Variants in ADAMTSL1 observed in about 807,000 individuals in gnomAD.
The protein encoded by ADAMTSL1 is ADAMTS like 1.
A neutral mutation model predicts 201.8 loss-of-function variants in ADAMTSL1; 126 were observed. The observed-to-expected ratio is 0.62, with a 90% confidence interval of 0.54 to 0.72. ADAMTSL1 has a LOEUF of 0.72. ADAMTSL1 is among the 30% of genes least tolerant of loss of function. ADAMTSL1 has a pLI of 0.00. For missense variants in ADAMTSL1, 2,679 were observed against 2,277.8 expected (o/e 1.18, Z -3.59); for synonymous variants, 1,121 against 903.4 (o/e 1.24, Z -4.32).
At chr9:18,603,986 C>T (rs542895924) in intron 4 of ADAMTSL1, among the ~76,000 whole-genome samples, 10 of 152,256 alleles carry the variant, frequency 6.6e-5, no homozygotes, top group South Asian at 2.1e-4. Flanking sequence ...GGAACAATGG[C>T]GAGAGCACAC....
intron 26 of ADAMTSL1, among the ~76,000 whole-genome samples, chr9:18,904,903 C>T (rs1480733629): frequency 6.6e-6 from 1 of 151,876 alleles, no homozygotes; most frequent in East Asian, 1.9e-4. Flanking sequence ...GGTTCTTAAC[C>T]TTTGAGGTCA....
At chr9:18,764,068 C>T (rs1408639299) in intron 16 of ADAMTSL1, among the ~76,000 whole-genome samples, 1 of 152,160 alleles carries the variant, frequency 6.6e-6, no homozygotes. Flanking sequence ...TGCACTGAAT[C>T]TGTAGATTGC....
At chr9:18,151,575 A>G (rs989985683) in intron 1 of ADAMTSL1, among the ~76,000 whole-genome samples, 1 of 151,914 alleles carries the variant, frequency 6.6e-6, no homozygotes, top group African/African-American at 2.4e-5. Context: ...TGCCAAATTT[A>G]TTTTCATTGT....
At chr9:18,030,572 AT>A (rs879888412) in intron 1 of ADAMTSL1, among the ~76,000 whole-genome samples, 35 of 152,074 alleles carry the variant, frequency 2.3e-4, no homozygotes, top group Non-Finnish European at 2.1e-4. Context: ...AGAAAAAAAA[AT>A]ATTTTTCTTT....
Position 18,495,077 on chromosome 9 carries a change from G to T in ADAMTSL1, c.64-9752G>T, listed in dbSNP as rs375204353. Reference sequence around the variant, plus strand: ...AGTAAGATTGGACGGGGTGAGAATGGAAGAGAGAGGGATTTCAGAAATGGA... The same window carrying T: ...AGTAAGATTGGACGGGGTGAGAATGTAAGAGAGAGGGATTTCAGAAATGGA... On this transcript the variant is annotated intron_variant, in intron 1 of 28. Coordinates refer to ENST00000380548, the MANE Select transcript of ADAMTSL1 (RefSeq NM_001040272.6). Among the ~76,000 whole-genome samples the T allele has an allele frequency of 1.7e-4, 26 of 152,314 alleles. 2 individuals carry two copies. In the East Asian group the frequency reaches 4.2e-3, roughly 25 times the overall value.
At chr9:18,540,829 C>G (rs1237389630) in intron 3 of ADAMTSL1, among the ~76,000 whole-genome samples, 1 of 152,116 alleles carries the variant, frequency 6.6e-6, no homozygotes, top group Non-Finnish European at 1.5e-5. Flanking sequence ...GAAAGAAATT[C>G]TAATTGCAGG....
intron 1 of ADAMTSL1, among the ~76,000 whole-genome samples, chr9:18,012,603 G>A (rs1185464326): frequency 1.3e-5 from 2 of 152,044 alleles, no homozygotes; most frequent in East Asian, 3.9e-4. Context: ...TCACAGATTT[G>A]TGTGAGAATG....
chr9:18,275,979 AGC>A lies in ADAMTSL1; in HGVS notation c.207+111999_207+112000del, dbSNP rs560008788. Among the ~76,000 whole-genome samples, 808 of 152,250 alleles carry A rather than the reference AGC, an allele frequency of 5.3e-3. 6 individuals are homozygous for A. The highest frequency in any genetic ancestry group is 0.018 in the African/African-American group (767 of 41,542). ...GGATGTGCCATCTTGCATTTCCACCAGCAATATATGAGGGTTCTGGTTTCCCT... is the reference window on the plus strand; with the variant it reads ...GGATGTGCCATCTTGCATTTCCACCAAATATATGAGGGTTCTGGTTTCCCT... On this transcript the variant is annotated intron_variant, in intron 2 of 29. Coordinates refer to the ADAMTSL1 transcript ENST00000680146.
intron 2 of ADAMTSL1, among the ~76,000 whole-genome samples, chr9:18,191,065 G>T: frequency 6.6e-6 from 1 of 152,274 alleles, no homozygotes; most frequent in East Asian, 1.9e-4. Context: ...AACAGCAGAG[G>T]ACTCCAAAAG....
rs146097407 is a variant in ADAMTSL1 at position 18,261,141 on chromosome 9, A to G, written c.207+97160A>G. ...TTGACTAGAACGGAAAGTGATAGAG[A>G]GTGGCAGTCTGTCCAGCAACACAGG... On this transcript the variant is annotated intron_variant, in intron 2 of 29. Coordinates refer to the ADAMTSL1 transcript ENST00000680146. Among the ~76,000 whole-genome samples, 910 of 150,868 alleles carry G rather than the reference A, an allele frequency of 6.0e-3. 11 individuals are homozygous for G. The highest frequency in any genetic ancestry group is 0.022 in the African/African-American group (885 of 41,024).
Position 18,889,716 on chromosome 9 carries a change from C to T in ADAMTSL1, c.4611C>T (p.Pro1537=), listed in dbSNP as rs1829126428. Reference sequence around the variant, plus strand: ...GGAAGGTTCGCCCTGCGGTGCAGCCCATCGCGTGCAACCGGAGAGACTGCC... The same window carrying T: ...GGAAGGTTCGCCCTGCGGTGCAGCCTATCGCGTGCAACCGGAGAGACTGCC... ...CAGKVRPAVQ[P]IACNRRDCPS... The change falls in exon 25 of 29, where the codon CCC becomes CCT. Residue 1537 remains proline (P), a synonymous_variant. Coordinates refer to ENST00000380548, the MANE Select transcript of ADAMTSL1 (RefSeq NM_001040272.6). The T allele has an allele frequency of 6.5e-7, 1 of 1,543,664 alleles. No individual in the cohort carries two copies. The highest frequency in any genetic ancestry group is 1.2e-5 in the South Asian group (1 of 81,694).
chr9:18,711,675 C>T (rs10811014), intron 14 of ADAMTSL1, among the ~76,000 whole-genome samples: 37,787 of 151,192 alleles, frequency 0.25, 5,193 homozygotes, highest in Non-Finnish European at 0.32. Context: ...GGGGGAGGGG[C>T]GCCCGCCATT....
At chr9:18,459,289 A>G (rs1820722463) in intron 2 of ADAMTSL1, among the ~76,000 whole-genome samples, 1 of 152,176 alleles carries the variant, frequency 6.6e-6, no homozygotes, top group Non-Finnish European at 1.5e-5. Context: ...AGGAAATAAT[A>G]CCTCATAAAC....
intron 2 of ADAMTSL1, among the ~76,000 whole-genome samples, chr9:18,341,604 T>C (rs1188205996): frequency 6.6e-6 from 1 of 152,190 alleles, no homozygotes; most frequent in Non-Finnish European, 1.5e-5. Flanking sequence ...TGTGCTTGGA[T>C]ACATAATTTA....
chr9:18,452,171 C>T (rs550906484), intron 2 of ADAMTSL1, among the ~76,000 whole-genome samples: 8 of 152,126 alleles, frequency 5.3e-5, no homozygotes, highest in African/African-American at 1.4e-4. Context: ...CCTCAGCCTC[C>T]GAAAGTGCTG....
chr9:18,112,708 A>T (rs1825077855), intron 1 of ADAMTSL1, among the ~76,000 whole-genome samples: 1 of 152,132 alleles, frequency 6.6e-6, no homozygotes, highest in Non-Finnish European at 1.5e-5. Flanking sequence ...CACAGCAGTT[A>T]TTTCATTTGG....
chr9:18,194,150 GAGC>G (rs1025325789), intron 2 of ADAMTSL1, among the ~76,000 whole-genome samples: 1 of 152,080 alleles, frequency 6.6e-6, no homozygotes, highest in African/African-American at 2.4e-5. Flanking sequence ...AAAAAAAGAA[GAGC>G]ATTTGTTTGA....
chr9:17,981,965 C>G (rs1056752554), intron 1 of ADAMTSL1, among the ~76,000 whole-genome samples: 1 of 152,192 alleles, frequency 6.6e-6, no homozygotes, highest in East Asian at 1.9e-4. Context: ...AACAAAATCT[C>G]AAGTGTGAGG....
At chr9:18,098,881 G>C (rs1455098997) in intron 1 of ADAMTSL1, among the ~76,000 whole-genome samples, 1 of 152,136 alleles carries the variant, frequency 6.6e-6, no homozygotes. Flanking sequence ...AGAGAATTGA[G>C]AAATGTCCTT....
Sources: allele counts gnomAD v4.1 joint callset (sites outside exome capture counted in the v4.1 genomes callset), GRCh38; gene constraint gnomAD v4.1.1; transcripts MANE v1.5; gene names NCBI Gene and HGNC (gene_info 2026-07-23, HGNC 2026-07-21).